The following B3GALT1 variants were observed in gnomAD, a reference collection of about 807,000 sequenced individuals.
The protein encoded by B3GALT1 is UDP-Gal:betaGlcNAc beta 1,3-galactosyltransferase, polypeptide 1.
A neutral mutation model predicts 23.2 loss-of-function variants in B3GALT1; 10 were observed. That is an observed-to-expected ratio of 0.43 (90% CI 0.27 to 0.73). The LOEUF (loss-of-function observed/expected upper bound fraction) is 0.73. Among genes scored for constraint, B3GALT1 ranks in the 30% least tolerant of loss-of-function variants. The pLI, the probability that B3GALT1 is intolerant of heterozygous loss-of-function variation, is 0.21. For missense variants in B3GALT1, 299 were observed against 405.4 expected (o/e 0.74, Z 2.25); for synonymous variants, 156 against 141.5 (o/e 1.10, Z -0.73).
In B3GALT1 at chr2:167,602,445, A is replaced by G. The variant is rs146716028; in HGVS notation, c.-409-44464A>G. Among the ~76,000 whole-genome samples, 18 of 152,248 alleles carry G rather than the reference A, an allele frequency of 1.2e-4. No individual in the cohort carries two copies. In the East Asian group the frequency reaches 2.7e-3, roughly 23 times the overall value. On this transcript the variant is annotated intron_variant, in intron 2 of 4. Transcript: ENST00000392690. ...ACTTTAGAAATATGGCTGAGATTCT[A>G]TTTTCAAATGACTGCAGAGTTAGAG...
In B3GALT1 at chr2:167,867,519, TCA is replaced by T. The variant is rs151010457; in HGVS notation, c.-229-1289_-229-1288del. Among the ~76,000 whole-genome samples, 702 of 152,336 alleles carry T rather than the reference TCA, an allele frequency of 4.6e-3. 3 individuals carry two copies. The highest frequency in any genetic ancestry group is 0.016 in the African/African-American group (677 of 41,568). ...TGCTGGTCTCATATGGATCATATAT[TCA>T]CAGTCAGCTCTTGGCTTAGACAAGA... On this transcript the variant is annotated intron_variant, in intron 4 of 4. Coordinates refer to ENST00000392690, the MANE Select transcript of B3GALT1 (RefSeq NM_020981.4).
chr2:167,704,183 C>CCA (rs1558954121), intron 3 of B3GALT1, among the ~76,000 whole-genome samples: 1 of 112,926 alleles, frequency 8.9e-6, no homozygotes, highest in Non-Finnish European at 1.7e-5. Context: ...TCAGTCTCAA[C>CCA]AAAAAAAAAA....
intron 3 of B3GALT1, among the ~76,000 whole-genome samples, chr2:167,802,276 C>G (rs1688653685): frequency 6.6e-6 from 1 of 152,158 alleles, no homozygotes. Flanking sequence ...TCTGAAGTTA[C>G]AAGGAATGAA....
At chr2:167,731,919 T>A (rs1042110693) in intron 3 of B3GALT1, among the ~76,000 whole-genome samples, 4 of 152,202 alleles carry the variant, frequency 2.6e-5, no homozygotes, top group African/African-American at 9.6e-5. Context: ...TTCCCATTCC[T>A]CAACCCTTAG....
At chr2:167,515,461 A>C (rs1314373194) in intron 2 of B3GALT1, among the ~76,000 whole-genome samples, 2 of 152,172 alleles carry the variant, frequency 1.3e-5, no homozygotes, top group Non-Finnish European at 2.9e-5. Context: ...GTTAGTTAAC[A>C]CAGTCCTACT....
intron 3 of B3GALT1, among the ~76,000 whole-genome samples, chr2:167,746,387 TTG>T (rs1407509888): frequency 6.6e-6 from 1 of 152,254 alleles, no homozygotes; most frequent in African/African-American, 2.4e-5. Context: ...ATTGATTTGT[TTG>T]ACATAGAATC....
chr2:167,411,297 A>G (rs1698386605), intron 1 of B3GALT1, among the ~76,000 whole-genome samples: 1 of 151,190 alleles, frequency 6.6e-6, no homozygotes, highest in African/African-American at 2.4e-5. Context: ...GGGAGAAAAT[A>G]TTTGTAAACT....
rs1690326268 is a variant in B3GALT1, at chr2:167,870,600, T to C, written c.*580T>C. 1 of 167,106 alleles carries C rather than the reference T, an allele frequency of 6.0e-6. No individual in the cohort carries two copies. Among genetic ancestry groups the C allele is most frequent in the South Asian group, 2.1e-4 (1 of 4,824 alleles). The allele number at this position is 167,106 out of a possible 1,614,324, so 10.4% of individuals were successfully genotyped here. A position where few individuals can be genotyped will look rare whatever the true frequency, so the allele number is the denominator to read the frequency against. On this transcript the variant is annotated 3_prime_UTR_variant, in exon 5 of 5. Transcript: ENST00000392690. Reference sequence around the variant, plus strand: ...GGAGTTTAAATTTGAGAATCAAACATTCTATGTGTTTGGAAGACAACTCTG... The same window carrying C: ...GGAGTTTAAATTTGAGAATCAAACACTCTATGTGTTTGGAAGACAACTCTG...
intron 3 of B3GALT1, among the ~76,000 whole-genome samples, chr2:167,683,945 A>G (rs944280486): frequency 5.3e-5 from 8 of 152,278 alleles, no homozygotes; most frequent in Admixed American, 5.2e-4. Flanking sequence ...TCTATCTGGA[A>G]CACTTTCCTT....
intron 2 of B3GALT1, among the ~76,000 whole-genome samples, chr2:167,582,342 T>C (rs909434400): frequency 1.1e-4 from 16 of 152,198 alleles, no homozygotes; most frequent in Non-Finnish European, 2.4e-4. Flanking sequence ...GTTTTAACAA[T>C]AGTAATAAGC....
chr2:167,567,123 T>C (rs918732586), intron 2 of B3GALT1, among the ~76,000 whole-genome samples: 1 of 152,138 alleles, frequency 6.6e-6, no homozygotes, highest in Admixed American at 6.5e-5. Context: ...TCCTGTATAG[T>C]ATATGAATCT....
At chr2:167,505,310 T>G (rs1699903172) in intron 2 of B3GALT1, among the ~76,000 whole-genome samples, 1 of 152,150 alleles carries the variant, frequency 6.6e-6, no homozygotes, top group African/African-American at 2.4e-5. Context: ...TTAAAAATTT[T>G]TAAATAGAAA....
At chr2:167,386,919 G>A (rs527815575) in intron 1 of B3GALT1, among the ~76,000 whole-genome samples, 1 of 152,186 alleles carries the variant, frequency 6.6e-6, no homozygotes, top group Admixed American at 6.5e-5. Flanking sequence ...TCGAAGCTGC[G>A]TTAACTGTCT....
chr2:167,342,994 T>A (rs888540430), intron 1 of B3GALT1, among the ~76,000 whole-genome samples: 1 of 152,230 alleles, frequency 6.6e-6, no homozygotes, highest in Non-Finnish European at 1.5e-5. Context: ...TCAGGATTTA[T>A]TCATTGTTCT....
At chr2:167,714,407 C>A (rs530554403) in intron 3 of B3GALT1, 24 of 1,548,768 alleles carry the variant, frequency 1.5e-5, no homozygotes, top group African/African-American at 8.1e-5. Context: ...TCCTCCTCCC[C>A]CTGGAAGCAC....
At position 167,793,001 on chromosome 2, in the gene B3GALT1, A is replaced by G. The variant is rs180703982; in HGVS notation, c.-351-25671A>G. Among the ~76,000 whole-genome samples, 4 of 152,268 alleles carry G rather than the reference A, an allele frequency of 2.6e-5. No individual in the cohort carries two copies. In the East Asian group the frequency reaches 7.7e-4, roughly 29 times the overall value. On this transcript the variant is annotated intron_variant, in intron 3 of 4. Coordinates refer to ENST00000392690, the MANE Select transcript of B3GALT1 (RefSeq NM_020981.4). Reference sequence around the variant, plus strand: ...CTCTGAGCTTAGGACAGAATTTATCAGTTAAGGTGCTTTCAGCAGCAAATA... The same window carrying G: ...CTCTGAGCTTAGGACAGAATTTATCGGTTAAGGTGCTTTCAGCAGCAAATA...
At chr2:167,713,938 G>A (rs1294768205) in intron 3 of B3GALT1, 35 of 1,569,128 alleles carry the variant, frequency 2.2e-5, no homozygotes, top group Non-Finnish European at 2.8e-5. Flanking sequence ...TCGTGAACAG[G>A]CCCCTTGTAT....
chr2:167,752,839 A>G (rs1426873062), intron 3 of B3GALT1, among the ~76,000 whole-genome samples: 3 of 152,202 alleles, frequency 2.0e-5, no homozygotes, highest in Admixed American at 6.5e-5. Flanking sequence ...TGACAGAGGC[A>G]GAGGAAGTGA....
At chr2:167,781,033 A>G (rs904830391) in intron 3 of B3GALT1, among the ~76,000 whole-genome samples, 28 of 152,208 alleles carry the variant, frequency 1.8e-4, no homozygotes, top group African/African-American at 6.0e-4. Context: ...GAGAAATGTA[A>G]TATTAGAGAG....
Sources: allele counts gnomAD v4.1 joint callset (sites outside exome capture counted in the v4.1 genomes callset), GRCh38; gene constraint gnomAD v4.1.1; transcripts MANE v1.5; gene names NCBI Gene and HGNC (gene_info 2026-07-23, HGNC 2026-07-21).